Variants in NRG3 observed in about 807,000 individuals in gnomAD.
NRG3 encodes neuregulin 3, also known as pro-neuregulin-3, membrane-bound isoform.
NRG3 carries 31 observed loss-of-function variants against 66.9 expected under a neutral mutation model. The observed-to-expected ratio is 0.46, with a 90% CI of 0.35 to 0.63. NRG3 has a LOEUF of 0.63. NRG3 is among the 20% of genes least tolerant of loss of function. The probability of loss-of-function intolerance (pLI) is 0.00; values close to 1 mark genes in which losing one functional copy is unlikely to be tolerated. For missense variants in NRG3, 910 were observed against 878.9 expected (o/e 1.04, Z -0.45); for synonymous variants, 393 against 359.4 (o/e 1.09, Z -1.06).
At chr10:82,561,334 A>G (rs993627800) in intron 2 of NRG3, among the ~76,000 whole-genome samples, 6 of 152,042 alleles carry the variant, frequency 3.9e-5, no homozygotes, top group Non-Finnish European at 1.5e-5. Flanking sequence ...GTATGCCATC[A>G]TTTTTACCTG....
intron 3 of NRG3, among the ~76,000 whole-genome samples, chr10:82,743,077 C>T (rs551700412): frequency 1.1e-4 from 17 of 152,080 alleles, no homozygotes; most frequent in Non-Finnish European, 1.8e-4. Flanking sequence ...TCCTCACACA[C>T]AGCTGGAGAC....
rs914444255 is a variant in NRG3 at position 82,391,132 on chromosome 10, G to T, written c.953+32264G>T. 1.7e-4 allele frequency among the ~76,000 whole-genome samples: 26 copies of T among 152,118 alleles called. 1 individual carries two copies. Among genetic ancestry groups the T allele is most frequent in the Admixed American group, 1.6e-3 (25 of 15,254 alleles). On this transcript the variant is annotated intron_variant, in intron 2 of 8. Transcript: ENST00000372141. Reference sequence around the variant, plus strand: ...GCCAGATTGAAATCTAAACATAAACGTATGACAACATTGCTACCGGTAGCT... The same window carrying T: ...GCCAGATTGAAATCTAAACATAAACTTATGACAACATTGCTACCGGTAGCT...
intron 2 of NRG3, among the ~76,000 whole-genome samples, chr10:82,719,577 T>A (rs1277113086): frequency 1.3e-5 from 2 of 152,188 alleles, no homozygotes; most frequent in East Asian, 3.9e-4. Context: ...TCTATCTTTC[T>A]GTTTTGTCTG....
intron 1 of NRG3, among the ~76,000 whole-genome samples, chr10:82,061,879 A>G (rs2064173195): frequency 6.6e-6 from 1 of 151,378 alleles, no homozygotes; most frequent in East Asian, 1.9e-4. Flanking sequence ...ACAAACACAC[A>G]CACACACACA....
At chr10:82,530,554 G>A (rs960981339) in intron 2 of NRG3, among the ~76,000 whole-genome samples, 2 of 151,648 alleles carry the variant, frequency 1.3e-5, no homozygotes, top group East Asian at 3.9e-4. Flanking sequence ...AACTTTTTTT[G>A]GGAAACTCAT....
At chr10:82,415,853 G>T (rs1185059098) in intron 2 of NRG3, among the ~76,000 whole-genome samples, 1 of 152,096 alleles carries the variant, frequency 6.6e-6, no homozygotes, top group Non-Finnish European at 1.5e-5. Flanking sequence ...TATATGTGAT[G>T]TAAAGATGTT....
chr10:82,468,035 G>C (rs1181057200), intron 2 of NRG3, among the ~76,000 whole-genome samples: 3 of 152,136 alleles, frequency 2.0e-5, no homozygotes, highest in Admixed American at 1.3e-4. Flanking sequence ...CCTGTTTCTA[G>C]CACATCACTA....
At chr10:81,973,003 A>G (rs2059986677) in intron 1 of NRG3, among the ~76,000 whole-genome samples, 1 of 152,060 alleles carries the variant, frequency 6.6e-6, no homozygotes, top group South Asian at 2.1e-4. Context: ...CGTTTTACAG[A>G]TTATTTCATA....
chr10:82,491,183 C>T (rs1272734108), intron 2 of NRG3, among the ~76,000 whole-genome samples: 1 of 151,324 alleles, frequency 6.6e-6, no homozygotes, highest in East Asian at 1.9e-4. Context: ...CTTTTCAAGT[C>T]TTTGTCCATG....
intron 3 of NRG3, among the ~76,000 whole-genome samples, chr10:82,858,344 C>T (rs138576775): frequency 2.0e-5 from 3 of 152,246 alleles, no homozygotes; most frequent in African/African-American, 7.2e-5. Flanking sequence ...TCTTAGCTTG[C>T]CTGTTTTGCT....
At chr10:81,974,280 T>A (rs1243309931) in intron 1 of NRG3, among the ~76,000 whole-genome samples, 1 of 152,044 alleles carries the variant, frequency 6.6e-6, no homozygotes. Context: ...TCTCTTTTTT[T>A]ACCAGTACCA....
At chr10:82,946,738 A>G (rs1849061836) in intron 4 of NRG3, among the ~76,000 whole-genome samples, 1 of 152,184 alleles carries the variant, frequency 6.6e-6, no homozygotes, top group Non-Finnish European at 1.5e-5. Flanking sequence ...AAAATAGAAT[A>G]TACACACATA....
intron 2 of NRG3, among the ~76,000 whole-genome samples, chr10:82,533,651 C>G (rs924333461): frequency 3.9e-5 from 6 of 152,018 alleles, no homozygotes; most frequent in African/African-American, 1.2e-4. Context: ...TGGTGAAAAA[C>G]AGAAAAAGCT....
At chr10:82,971,146 C>T (rs1456538639) in intron 6 of NRG3, among the ~76,000 whole-genome samples, 5 of 152,088 alleles carry the variant, frequency 3.3e-5, no homozygotes. Context: ...AGAACTCACT[C>T]ATTACTGCAG....
intron 2 of NRG3, among the ~76,000 whole-genome samples, chr10:82,711,599 A>G (rs945327168): frequency 7.3e-5 from 11 of 151,620 alleles, no homozygotes; most frequent in African/African-American, 1.2e-4. Flanking sequence ...TATTTGGTCC[A>G]TATTTATGAT....
intron 2 of NRG3, among the ~76,000 whole-genome samples, chr10:82,539,460 C>A (rs1444177697): frequency 6.6e-6 from 1 of 152,138 alleles, no homozygotes; most frequent in African/African-American, 2.4e-5. Context: ...TTACATACAT[C>A]TTTCTCTATG....
At chr10:82,158,617 G>A (rs1031082434) in intron 1 of NRG3, among the ~76,000 whole-genome samples, 1 of 151,864 alleles carries the variant, frequency 6.6e-6, no homozygotes, top group African/African-American at 2.4e-5. Flanking sequence ...TATAGCTGAT[G>A]CCAGTTGTGT....
intron 1 of NRG3, among the ~76,000 whole-genome samples, chr10:82,140,647 G>A (rs1327514749): frequency 1.3e-5 from 2 of 151,968 alleles, no homozygotes; most frequent in African/African-American, 4.8e-5. Context: ...CTAGATGATC[G>A]CTTGAGCCCA....
chr10:82,218,206 C>T (rs1326077395), intron 1 of NRG3, among the ~76,000 whole-genome samples: 1 of 152,110 alleles, frequency 6.6e-6, no homozygotes, highest in African/African-American at 2.4e-5. Flanking sequence ...CGAAATAAGG[C>T]TATTTTATAT....
Sources: allele counts gnomAD v4.1 joint callset (sites outside exome capture counted in the v4.1 genomes callset), GRCh38; gene constraint gnomAD v4.1.1; transcripts MANE v1.5; gene names NCBI Gene and HGNC (gene_info 2026-07-23, HGNC 2026-07-21).